The following CACNA1C variants were observed in gnomAD, a reference collection of about 807,000 sequenced individuals.
The protein encoded by CACNA1C is calcium voltage-gated channel subunit alpha1 C.
In CACNA1C, 30 loss-of-function variants were observed where a neutral mutation model predicts 229.0. That is an observed-to-expected ratio of 0.13 (90% CI 0.10 to 0.18). CACNA1C has a LOEUF of 0.18. CACNA1C is among the 10% of genes least tolerant of loss of function. The pLI is 1.00. For synonymous variants in CACNA1C, 1,114 were observed against 1,132.5 expected (o/e 0.98, Z 0.33); for missense variants, 1,658 against 2,845.0 (o/e 0.58, Z 9.49).
intron 38 of CACNA1C, among the ~76,000 whole-genome samples, chr12:2,671,661 A>G (rs1379713907): frequency 6.6e-6 from 1 of 152,238 alleles, no homozygotes; most frequent in Non-Finnish European, 1.5e-5. Context: ...AGCCAACCAC[A>G]TGCCAACTAA....
Position 2,053,194 on chromosome 12 carries a change from G to A in CACNA1C, c.-369G>A, listed in dbSNP as rs1451906007. 47 of 1,001,048 alleles carry A rather than the reference G, an allele frequency of 4.7e-5. No homozygotes were observed. Among genetic ancestry groups the A allele is most frequent in the Non-Finnish European group, 5.5e-5 (46 of 840,772 alleles). The allele number at this position is 1,001,048 out of a possible 1,614,324, so 62.0% of individuals were successfully genotyped here. A position where few individuals can be genotyped will look rare whatever the true frequency, so the allele number is the denominator to read the frequency against. On this transcript the variant is annotated 5_prime_UTR_variant, in exon 1 of 47. Transcript: ENST00000399655. This position sits in a 1 kb window ranked among gnomAD's most constrained non-coding sequence, Gnocchi z 5.8. The stretch of plus-strand genomic sequence containing the variant: ...CCTCGGCCCCTGCCGGCCCAGGCGG[G>A]CCCCGCGCGCCCCCCGCCCCTCCTC...
At chr12:2,084,598 G>A (rs1367151345) in intron 1 of CACNA1C, among the ~76,000 whole-genome samples, 2 of 152,076 alleles carry the variant, frequency 1.3e-5, no homozygotes, top group Non-Finnish European at 2.9e-5. Flanking sequence ...TGTTCCTCTT[G>A]CAGTCTGTTC....
At chr12:2,280,102 AATTTGCTGTTGATGCCTTGCTG>A (rs1235977562) in intron 3 of CACNA1C, among the ~76,000 whole-genome samples, 2 of 152,190 alleles carry the variant, frequency 1.3e-5, no homozygotes, top group Non-Finnish European at 2.9e-5. Context: ...ATATTCAACC[AATTTGCTGTTGATGCCTTGCTG>A]TGCTTCGGTT....
At chr12:2,001,820 CCTCTA>C (rs1462902702) in intron 1 of CACNA1C, among the ~76,000 whole-genome samples, 3 of 152,170 alleles carry the variant, frequency 2.0e-5, no homozygotes, top group Non-Finnish European at 4.4e-5. Flanking sequence ...CATTCCCTGG[CCTCTA>C]CTCTATAGAT....
chr12:2,256,091 C>T (rs117897774), intron 3 of CACNA1C, among the ~76,000 whole-genome samples: 86 of 2,952 alleles, frequency 0.029, no homozygotes, highest in African/African-American at 0.091. Flanking sequence ...ACAATCACAC[C>T]TCCTGTTTCT....
chr12:2,123,042 G>A (rs1303867737), intron 3 of CACNA1C, among the ~76,000 whole-genome samples: 2 of 152,216 alleles, frequency 1.3e-5, no homozygotes, highest in Non-Finnish European at 1.5e-5. Flanking sequence ...CAAAATTTGA[G>A]TTGGACAGAC....
chr12:2,148,122 G>C lies in CACNA1C; in HGVS notation c.477+27692G>C, dbSNP rs928580634. 2.3e-4 allele frequency among the ~76,000 whole-genome samples: 35 copies of C among 151,316 alleles called. 3 individuals are homozygous for C. The highest frequency in any genetic ancestry group is 8.5e-4 in the African/African-American group (35 of 41,356). Reference sequence around the variant, plus strand: ...ATAAGGAATCTCTGAAGGGACTTTAGAGTAGAGAAAGATGTGAGAAAAAGC... The same window carrying C: ...ATAAGGAATCTCTGAAGGGACTTTACAGTAGAGAAAGATGTGAGAAAAAGC... On this transcript the variant is annotated intron_variant, in intron 3 of 46. Coordinates refer to ENST00000399655, the MANE Select transcript of CACNA1C (RefSeq NM_000719.7).
chr12:2,266,752 A>T (rs1443531211), intron 3 of CACNA1C, among the ~76,000 whole-genome samples: 1 of 152,220 alleles, frequency 6.6e-6, no homozygotes, highest in Non-Finnish European at 1.5e-5. Flanking sequence ...GCTGCAAGGG[A>T]GTCTACCTAT....
intron 1 of CACNA1C, among the ~76,000 whole-genome samples, chr12:2,105,243 C>T (rs1239855216): frequency 1.3e-5 from 2 of 152,222 alleles, no homozygotes; most frequent in Non-Finnish European, 2.9e-5. Context: ...TTGCCTTCTC[C>T]AGCCTTCATG....
intron 3 of CACNA1C, among the ~76,000 whole-genome samples, chr12:2,371,413 C>T (rs1425488261): frequency 1.3e-5 from 2 of 152,120 alleles, no homozygotes; most frequent in Non-Finnish European, 2.9e-5. Flanking sequence ...GCATAGACTC[C>T]TTTGGCCATT....
intron 3 of CACNA1C, among the ~76,000 whole-genome samples, chr12:2,160,520 T>C (rs943082165): frequency 5.9e-5 from 9 of 152,208 alleles, no homozygotes; most frequent in African/African-American, 1.9e-4. Context: ...AATCTAATGA[T>C]TTGAGATCCA....
intron 4 of CACNA1C, among the ~76,000 whole-genome samples, chr12:2,450,895 C>T (rs2099363399): frequency 2.0e-5 from 3 of 152,198 alleles, no homozygotes; most frequent in African/African-American, 7.2e-5. Context: ...TGTGAGAGTG[C>T]CTGGTCTTTA....
intron 43 of CACNA1C, among the ~76,000 whole-genome samples, chr12:2,685,389 A>T (rs1469234983): frequency 6.6e-6 from 1 of 151,170 alleles, no homozygotes; most frequent in African/African-American, 2.4e-5. Flanking sequence ...GCTCATGCAA[A>T]CACGGGAGCC....
intron 18 of CACNA1C, among the ~76,000 whole-genome samples, chr12:2,592,128 A>C (rs1036409534): frequency 1.3e-5 from 2 of 152,258 alleles, no homozygotes; most frequent in Non-Finnish European, 2.9e-5. Flanking sequence ...ACTGTAGTGA[A>C]GTGCTCAGAA....
Position 2,053,221 on chromosome 12 carries a change from C to T in CACNA1C, c.-342C>T. On this transcript the variant is annotated 5_prime_UTR_variant, in exon 1 of 47. Transcript: ENST00000399655. The surrounding 1 kb of genome is among the most constrained non-coding windows in gnomAD (Gnocchi z 5.8). ...CCCGCGCGCCCCCCGCCCCTCCTCT[C>T]CGCCTCTTCTCGCCCTGCCTCTCCC... is the stretch of plus-strand genomic sequence containing the variant. The T allele has an allele frequency of 8.8e-6, 9 of 1,018,198 alleles. No individual in the cohort carries two copies. The highest frequency in any genetic ancestry group is 1.1e-5 in the Non-Finnish European group (9 of 851,532). 63.1% of individuals were successfully genotyped at this position (1,018,198 alleles called of 1,614,324 possible).
chr12:2,574,469 C>T (rs1010842691), intron 13 of CACNA1C, among the ~76,000 whole-genome samples: 1 of 152,156 alleles, frequency 6.6e-6, no homozygotes, highest in Non-Finnish European at 1.5e-5. Context: ...TGCTGTTTCC[C>T]CTCTCACACC....
At chr12:2,682,875 CACACCA>C (rs1207397804) in intron 43 of CACNA1C, among the ~76,000 whole-genome samples, 197 bp downstream of exon 43, 2 of 15,650 alleles carry the variant, frequency 1.3e-4, no homozygotes, top group Non-Finnish European at 3.4e-4. Flanking sequence ...CAAACACACA[CACACCA>C]CACACACACA....
intron 1 of CACNA1C, among the ~76,000 whole-genome samples, chr12:1,986,133 T>C (rs1402661927): frequency 6.6e-6 from 1 of 152,204 alleles, no homozygotes; most frequent in African/African-American, 2.4e-5. Flanking sequence ...TTTTCAAAGG[T>C]GTTTATGTCT....
chr12:2,227,536 G>A (rs2063389132), intron 3 of CACNA1C, among the ~76,000 whole-genome samples: 1 of 152,150 alleles, frequency 6.6e-6, no homozygotes. Flanking sequence ...ATCATTATAT[G>A]TCAGTTCCGT....
Sources: gnomAD v4.1 joint callset for allele counts (sites outside exome capture counted in the v4.1 genomes callset) on GRCh38, gnomAD v4.1.1 for gene constraint, Gnocchi (gnomAD v3.1) non-coding constraint, MANE v1.5 for transcripts, NCBI Gene and HGNC (gene_info 2026-07-23, HGNC 2026-07-21) for gene names.